CHRM2: variants seen among roughly 807,000 people sequenced by gnomAD.
CHRM2 encodes cholinergic receptor muscarinic 2.
A neutral mutation model predicts 25.0 loss-of-function variants in CHRM2; 8 were observed. That is an observed-to-expected ratio of 0.32 (90% CI 0.19 to 0.58). CHRM2 has a LOEUF of 0.58. CHRM2 is among the 20% of genes least tolerant of loss of function. The probability of loss-of-function intolerance (pLI) is 0.88; values close to 1 mark genes in which losing one functional copy is unlikely to be tolerated. For synonymous variants in CHRM2, 202 were observed against 205.7 expected, an observed-to-expected ratio of 0.98 and a Z score of 0.15; for missense variants, 440 against 567.1, an observed-to-expected ratio of 0.78 and a Z score of 2.28.
chr7:136,917,221 G>C (rs1584752091), intron 2 of CHRM2, among the ~76,000 whole-genome samples: 1 of 148,582 alleles, frequency 6.7e-6, no homozygotes, highest in African/African-American at 2.5e-5. Context: ...ATACCTGCTC[G>C]CCGTCCTCTT....
intron 2 of CHRM2, among the ~76,000 whole-genome samples, chr7:136,958,147 T>C (rs1038443368): frequency 8.5e-5 from 13 of 152,138 alleles, no homozygotes; most frequent in Non-Finnish European, 1.2e-4. Context: ...CTAACGGAAA[T>C]GAGCCAGTTG....
intron 2 of CHRM2, among the ~76,000 whole-genome samples, chr7:136,990,917 A>T (rs935355259): frequency 3.3e-5 from 5 of 152,122 alleles, no homozygotes; most frequent in African/African-American, 1.2e-4. Flanking sequence ...TGGCCATTCT[A>T]ATAAATGTGT....
At chr7:136,979,156 C>T (rs573823281) in intron 2 of CHRM2, among the ~76,000 whole-genome samples, 8 of 152,206 alleles carry the variant, frequency 5.3e-5, no homozygotes, top group African/African-American at 1.9e-4. Context: ...GCTGGCATGA[C>T]AGGGTATCTC....
At chr7:136,934,974 A>G (rs1221767478) in intron 2 of CHRM2, among the ~76,000 whole-genome samples, 5 of 152,182 alleles carry the variant, frequency 3.3e-5, no homozygotes, top group Admixed American at 6.5e-5. Flanking sequence ...TAAAACTGTA[A>G]GATGCATTAA....
chr7:136,986,242 T>C (rs2130997475), intron 2 of CHRM2, among the ~76,000 whole-genome samples: 1 of 152,302 alleles, frequency 6.6e-6, no homozygotes, highest in African/African-American at 2.4e-5. Flanking sequence ...TTTCCTTATT[T>C]TGGCAGTTTA....
chr7:137,011,464 A>C (rs1194173637), intron 3 of CHRM2, among the ~76,000 whole-genome samples: 2 of 151,896 alleles, frequency 1.3e-5, no homozygotes, highest in African/African-American at 4.8e-5. Flanking sequence ...CTGATGTCCA[A>C]GACCGCAGAA....
At chr7:136,889,108 A>G (rs1796593930) in intron 2 of CHRM2, among the ~76,000 whole-genome samples, 1 of 151,610 alleles carries the variant, frequency 6.6e-6, no homozygotes, top group Non-Finnish European at 1.5e-5. Flanking sequence ...TTTTCTATCA[A>G]TCATGTAGCT....
At chr7:136,945,323 G>A (rs377751989) in intron 2 of CHRM2, among the ~76,000 whole-genome samples, 3 of 152,028 alleles carry the variant, frequency 2.0e-5, no homozygotes, top group Non-Finnish European at 2.9e-5. Flanking sequence ...GTCTAGAAGG[G>A]CTTTTCCAAT....
At chr7:136,932,166 T>C (rs1455995027) in intron 2 of CHRM2, among the ~76,000 whole-genome samples, 1 of 152,190 alleles carries the variant, frequency 6.6e-6, no homozygotes, top group Non-Finnish European at 1.5e-5. Context: ...TATAAGGGAA[T>C]ACAGCGCACA....
intron 2 of CHRM2, among the ~76,000 whole-genome samples, chr7:136,930,471 T>C (rs1423471033): frequency 6.6e-6 from 1 of 152,224 alleles, no homozygotes; most frequent in Non-Finnish European, 1.5e-5. Flanking sequence ...TCAGCTTATT[T>C]GTTTGCACAA....
intron 2 of CHRM2, among the ~76,000 whole-genome samples, chr7:136,915,748 C>A (rs1798067931): frequency 6.6e-6 from 1 of 151,778 alleles, no homozygotes; most frequent in Admixed American, 6.6e-5. Context: ...CTTGTCCACA[C>A]TGCCAATGCG....
chr7:137,005,186 G>C (rs1349860224), intron 3 of CHRM2, among the ~76,000 whole-genome samples: 6 of 152,026 alleles, frequency 3.9e-5, no homozygotes, highest in African/African-American at 1.4e-4. Context: ...ACTTATCAGT[G>C]CATGTGTTTT....
chr7:136,891,372 G>A (rs1796685013), intron 2 of CHRM2, among the ~76,000 whole-genome samples: 1 of 152,126 alleles, frequency 6.6e-6, no homozygotes, highest in Non-Finnish European at 1.5e-5. Flanking sequence ...AAGAGTTCTG[G>A]CCAGAGGTTT....
intron 3 of CHRM2, among the ~76,000 whole-genome samples, chr7:137,008,000 G>A (rs993081823): frequency 2.6e-5 from 4 of 151,930 alleles, no homozygotes; most frequent in Non-Finnish European, 1.5e-5. Context: ...ATAAATTAGT[G>A]GGATTAACTG....
At chr7:137,012,610 C>A (rs1184637573) in intron 3 of CHRM2, among the ~76,000 whole-genome samples, 1 of 151,972 alleles carries the variant, frequency 6.6e-6, no homozygotes, top group African/African-American at 2.4e-5. Flanking sequence ...ACACAAATAT[C>A]TACCTGTTTT....
intron 2 of CHRM2, among the ~76,000 whole-genome samples, chr7:136,942,091 G>A (rs1298084606): frequency 6.6e-6 from 1 of 152,138 alleles, no homozygotes; most frequent in African/African-American, 2.4e-5. Context: ...GGTACAAGGA[G>A]TCCAGCTATT....
At chr7:137,006,651 CA>C (rs1804448433) in intron 3 of CHRM2, among the ~76,000 whole-genome samples, 2 of 152,100 alleles carry the variant, frequency 1.3e-5, no homozygotes, top group South Asian at 2.1e-4. Flanking sequence ...TTTTCTTTTA[CA>C]TTTTTTTTTC....
intron 3 of CHRM2, among the ~76,000 whole-genome samples, chr7:137,004,696 T>C (rs1804303316): frequency 6.6e-6 from 1 of 152,184 alleles, no homozygotes; most frequent in Non-Finnish European, 1.5e-5. Context: ...CTCTTCATTC[T>C]CTCTGACCAA....
Position 137,019,300 on chromosome 7 carries a change from T to A in CHRM2, c.*3034T>A, listed in dbSNP as rs932288958. Reference sequence around the variant, plus strand: ...GTCTGGTGTATGTGTCAGTCACAGATTGGGAACTCAGGCCACATCTACATA... The same window carrying A: ...GTCTGGTGTATGTGTCAGTCACAGAATGGGAACTCAGGCCACATCTACATA... On this transcript the variant is annotated 3_prime_UTR_variant, in exon 4 of 4. Transcript: ENST00000680005. 6.6e-6 allele frequency: 1 copy of A among 151,882 alleles called. No individual in the cohort carries two copies. Among genetic ancestry groups the A allele is most frequent in the Non-Finnish European group, 1.5e-5 (1 of 67,900 alleles). 9.4% of individuals were successfully genotyped at this position (151,882 alleles called of 1,614,324 possible). A position where few individuals can be genotyped will look rare whatever the true frequency, so the allele number is the denominator to read the frequency against.
Sources: gnomAD v4.1 joint callset for allele counts (sites outside exome capture counted in the v4.1 genomes callset) on GRCh38, gnomAD v4.1.1 for gene constraint, MANE v1.5 for transcripts, NCBI Gene and HGNC (gene_info 2026-07-23, HGNC 2026-07-21) for gene names.